Variants in GABRG2 observed in about 807,000 individuals in gnomAD.
GABRG2 encodes the protein gamma-aminobutyric acid type A receptor subunit gamma2, also known as gamma-aminobutyric acid receptor subunit gamma-2.
In GABRG2, 16 loss-of-function variants were observed where a neutral mutation model predicts 56.4. The observed-to-expected ratio is 0.28, with a 90% confidence interval of 0.19 to 0.43. The LOEUF (loss-of-function observed/expected upper bound fraction) is 0.43, where lower values mean the gene tolerates loss of function less well. Among genes scored for constraint, GABRG2 ranks in the 20% least tolerant of loss-of-function variants. The pLI is 1.00. For missense variants in GABRG2, 327 were observed against 582.7 expected, an observed-to-expected ratio of 0.56 and a Z score of 4.52; for synonymous variants, 208 against 205.5, an observed-to-expected ratio of 1.01 and a Z score of -0.10.
At chr5:162,131,244 C>T (rs1185828687) in intron 6 of GABRG2, among the ~76,000 whole-genome samples, 1 of 152,012 alleles carries the variant, frequency 6.6e-6, no homozygotes, top group African/African-American at 2.4e-5. Flanking sequence ...TCCTAAAAGC[C>T]TAGTTTCGTG....
intron 2 of GABRG2, 52 bp downstream of exon 2, chr5:162,094,031 CTACTT>C: frequency 1.3e-6 from 2 of 1,563,490 alleles, no homozygotes; most frequent in Non-Finnish European, 1.8e-6. Context: ...ATAAACATGT[CTACTT>C]TAATAGATAA....
At chr5:162,107,484 G>C (rs1761920767) in intron 6 of GABRG2, among the ~76,000 whole-genome samples, 1 of 152,150 alleles carries the variant, frequency 6.6e-6, no homozygotes. Flanking sequence ...CAGAAGAATA[G>C]AAGCATTTCA....
intron 8 of GABRG2, chr5:162,151,337 G>T (rs1765358740): frequency 6.2e-6 from 1 of 162,408 alleles, no homozygotes; most frequent in South Asian, 1.8e-4. Context: ...TTATTTTCCT[G>T]TTTAATATGC....
At chr5:162,117,633 A>T (rs1762710035) in intron 6 of GABRG2, among the ~76,000 whole-genome samples, 1 of 152,174 alleles carries the variant, frequency 6.6e-6, no homozygotes, top group Non-Finnish European at 1.5e-5. Context: ...TACATGAAGC[A>T]TAGTGCTAAC....
intron 6 of GABRG2, among the ~76,000 whole-genome samples, chr5:162,140,094 T>C (rs775618091): frequency 6.6e-6 from 1 of 152,222 alleles, no homozygotes; most frequent in Non-Finnish European, 1.5e-5. Context: ...GTTCAATAAA[T>C]TAACACAGAG....
chr5:162,117,134 G>A (rs1158522356), intron 6 of GABRG2, among the ~76,000 whole-genome samples: 1 of 152,164 alleles, frequency 6.6e-6, no homozygotes, highest in African/African-American at 2.4e-5. Flanking sequence ...GGTTTCAGAA[G>A]AGCAGGTGAG....
intron 1 of GABRG2, among the ~76,000 whole-genome samples, chr5:162,083,031 T>TA (rs931012609): frequency 2.6e-5 from 4 of 151,578 alleles, no homozygotes; most frequent in Admixed American, 2.6e-4. Flanking sequence ...CAGAAAAGTA[T>TA]AAAAAAAGAT....
At chr5:162,113,692 T>G (rs1762411434) in intron 6 of GABRG2, among the ~76,000 whole-genome samples, 1 of 152,212 alleles carries the variant, frequency 6.6e-6, no homozygotes, top group South Asian at 2.1e-4. Flanking sequence ...ATGATATACT[T>G]TCATCATTAC....
At position 162,072,303 on chromosome 5, in the gene GABRG2, T is replaced by C. The variant is rs554756635; in HGVS notation, c.107+4197T>C. ...CCTCCCTACTACAATTTCCCAGCCA[T>C]TCCAAGACAGGCTTTTCAGTTTAGG... On this transcript the variant is annotated intron_variant, in intron 1 of 9. Coordinates refer to ENST00000639213, the MANE Select transcript of GABRG2 (RefSeq NM_198904.4). Among the ~76,000 whole-genome samples, 484 of 152,120 alleles carry C rather than the reference T, an allele frequency of 3.2e-3. 1 individual carries two copies. The highest frequency in any genetic ancestry group is 0.011 in the African/African-American group (470 of 41,562).
chr5:162,088,713 C>T (rs929484410), intron 1 of GABRG2, among the ~76,000 whole-genome samples: 2 of 151,928 alleles, frequency 1.3e-5, no homozygotes, highest in African/African-American at 2.4e-5. Flanking sequence ...TTCTCAAAGC[C>T]GTGAAGAATA....
chr5:162,107,751 C>T (rs1004853213), intron 6 of GABRG2, among the ~76,000 whole-genome samples: 1 of 152,164 alleles, frequency 6.6e-6, no homozygotes, highest in African/African-American at 2.4e-5. Flanking sequence ...ACAACCATTG[C>T]CCCAGTGAGC....
rs1758341383 is a variant in GABRG2 at position 162,067,936 on chromosome 5, CAAAGG to C, written c.-63_-59del. On this transcript the variant is annotated 5_prime_UTR_variant, in exon 1 of 10. Transcript: ENST00000639213. ...TCAGATCATAAGCATAAGAATAATA[CAAAGG>C]GGAGGGATTCTTCTGCAACCAAGAG... 8.8e-7 allele frequency: 1 copy of C among 1,137,180 alleles called. No homozygotes were observed. The highest frequency in any genetic ancestry group is 1.2e-5 in the South Asian group (1 of 81,244). 70.4% of individuals were successfully genotyped at this position (1,137,180 alleles called of 1,614,324 possible). A position where few individuals can be genotyped will look rare whatever the true frequency, so the allele number is the denominator to read the frequency against.
intron 1 of GABRG2, among the ~76,000 whole-genome samples, chr5:162,072,167 C>A (rs1758723867): frequency 6.6e-6 from 1 of 151,866 alleles, no homozygotes; most frequent in South Asian, 2.1e-4. Flanking sequence ...TTCTATACTT[C>A]AAAAAATTGT....
intron 4 of GABRG2, 143 bp downstream of exon 4, chr5:162,098,001 A>G: frequency 1.5e-6 from 1 of 688,114 alleles, no homozygotes; most frequent in South Asian, 1.8e-5. Context: ...CAATTAGTAT[A>G]TGACATCAAA....
Position 162,155,076 on chromosome 5 carries a change from T to C in GABRG2, c.*1708T>C, listed in dbSNP as rs188046779. The C allele has an allele frequency of 7.9e-5, 12 of 152,574 alleles. No individual in the cohort carries two copies. In the East Asian group the frequency reaches 1.9e-3, roughly 25 times the overall value. The allele number at this position is 152,574 out of a possible 1,614,324, so 9.5% of individuals were successfully genotyped here. ...AACTTTACAGATAACCTAAAAAGAA[T>C]AGAAAAGAAGAGAGAGTGGCTTTGT... On this transcript the variant is annotated 3_prime_UTR_variant, in exon 10 of 10. Coordinates refer to ENST00000639213, the MANE Select transcript of GABRG2 (RefSeq NM_198904.4).
chr5:162,138,093 A>G (rs1764273814), intron 6 of GABRG2, among the ~76,000 whole-genome samples: 2 of 152,150 alleles, frequency 1.3e-5, no homozygotes, highest in South Asian at 4.2e-4. Context: ...CTGACATTTT[A>G]CACAGTCGAC....
intron 6 of GABRG2, among the ~76,000 whole-genome samples, chr5:162,124,307 G>T (rs1302816974): frequency 6.6e-6 from 1 of 151,800 alleles, no homozygotes; most frequent in Non-Finnish European, 1.5e-5. Flanking sequence ...AAAGTGAGTA[G>T]AAAGTGACCA....
chr5:162,089,012 A>G (rs887959208), intron 1 of GABRG2, among the ~76,000 whole-genome samples: 13 of 152,168 alleles, frequency 8.5e-5, no homozygotes, highest in African/African-American at 2.7e-4. Context: ...AGAAGTCAAC[A>G]AATGCATATT....
rs766408832 is a variant in GABRG2 at position 162,155,395 on chromosome 5, A to G, written c.*2027A>G. On this transcript the variant is annotated 3_prime_UTR_variant, in exon 10 of 10. Coordinates refer to ENST00000639213, the MANE Select transcript of GABRG2 (RefSeq NM_198904.4). The stretch of plus-strand genomic sequence containing the variant: ...TTCCAATGTGTGCATAGTATTGGCA[A>G]TATGAATATATATTATATATAATCT... 6.6e-6 allele frequency: 1 copy of G among 152,512 alleles called. No homozygotes were observed. Among genetic ancestry groups the G allele is most frequent in the African/African-American group, 2.4e-5 (1 of 41,438 alleles). 9.4% of individuals were successfully genotyped at this position (152,512 alleles called of 1,614,324 possible).
Sources: gnomAD v4.1 joint callset for allele counts (sites outside exome capture counted in the v4.1 genomes callset) on GRCh38, gnomAD v4.1.1 for gene constraint, MANE v1.5 for transcripts, NCBI Gene and HGNC (gene_info 2026-07-23, HGNC 2026-07-21) for gene names.